The following KIR2DL1 variants were observed in gnomAD, a reference collection of about 807,000 sequenced individuals.
The protein encoded by KIR2DL1 is killer cell immunoglobulin like receptor, two Ig domains and long cytoplasmic tail 1, also known as killer cell immunoglobulin-like receptor 2DL1.
A neutral mutation model predicts 33.9 loss-of-function variants in KIR2DL1; 38 were observed. The observed-to-expected ratio is 1.12, with a 90% CI of 0.86 to 1.47. The LOEUF (loss-of-function observed/expected upper bound fraction) is 1.47, where lower values mean the gene tolerates loss of function less well. Ranked by LOEUF, KIR2DL1 falls within the 40% of genes most tolerant of loss-of-function variation. The pLI is 0.00. For missense variants in KIR2DL1, 531 were observed against 433.9 expected (o/e 1.22, Z -1.99); for synonymous variants, 179 against 165.9 (o/e 1.08, Z -0.61).
Position 54,775,064 on chromosome 19 carries a change from G to A in KIR2DL1, c.371-101G>A, listed in dbSNP as rs1190141982. Reference sequence around the variant, plus strand: ...GTAGAGGGTGAGAGAGAGAGAGAGAGAGCATTAGGTCATAGAACAGGGGAG... The same window carrying A: ...GTAGAGGGTGAGAGAGAGAGAGAGAAAGCATTAGGTCATAGAACAGGGGAG... On this transcript the variant is annotated intron_variant, in intron 3 of 7. Coordinates refer to ENST00000336077, the MANE Select transcript of KIR2DL1 (RefSeq NM_014218.3). The A allele has an allele frequency of 2.0e-5, 27 of 1,361,208 alleles. 1 individual carries two copies. The African/African-American group carries it at 4.0e-4, about 20-fold the overall frequency. 84.3% of individuals were successfully genotyped at this position (1,361,208 alleles called of 1,614,324 possible). A position where few individuals can be genotyped will look rare whatever the true frequency, so the allele number is the denominator to read the frequency against.
In KIR2DL1 at chr19:54,775,222, A is replaced by G. The variant is rs369380833; in HGVS notation, c.428A>G (p.Glu143Gly). 17 of 1,601,658 alleles carry G rather than the reference A, an allele frequency of 1.1e-5. No homozygotes were observed. The highest frequency in any genetic ancestry group is 1.7e-5 in the Admixed American group (1 of 59,228). Residue 143 changes from glutamate (E) to glycine (G), a missense_variant, in exon 4 of 8, where the codon GAG (glutamate) becomes GGG (glycine). Physicochemically the swap from Glu to Gly is moderately conservative, Grantham distance 98 (BLOSUM62 -2). Coordinates refer to ENST00000336077, the MANE Select transcript of KIR2DL1 (RefSeq NM_014218.3). Reference protein sequence around the residue: ...AQLGPTVLAGENVTLSCSSRS... With the variant: ...AQLGPTVLAGGNVTLSCSSRS... Reference sequence around the variant, plus strand: ...CTGGGCCCCACGGTTCTGGCAGGAGAGAATGTGACCTTGTCCTGCAGCTCC... The same window carrying G: ...CTGGGCCCCACGGTTCTGGCAGGAGGGAATGTGACCTTGTCCTGCAGCTCC...
intron 2 of KIR2DL1, among the ~76,000 whole-genome samples, chr19:54,772,704 G>A (rs199733063): frequency 8.9e-5 from 11 of 123,784 alleles, no homozygotes; most frequent in Non-Finnish European, 1.0e-4. Context: ...AGACTCTGTC[G>A]CCAAAATTAA....
Position 54,773,261 on chromosome 19 carries a change from T to C in KIR2DL1, c.71-72T>C, listed in dbSNP as rs2075959721. On this transcript the variant is annotated intron_variant, in intron 2 of 7. Coordinates refer to ENST00000336077, the MANE Select transcript of KIR2DL1 (RefSeq NM_014218.3). ...GATAAGACACCAGGAAGGGGAAGCC[T>C]GACTCAATCCAGGTGCCATGGATGG... The C allele has an allele frequency of 3.4e-6, 5 of 1,464,316 alleles. No individual in the cohort carries two copies. In the East Asian group the frequency reaches 1.2e-4, roughly 34 times the overall value. 90.7% of individuals were successfully genotyped at this position (1,464,316 alleles called of 1,614,324 possible).
At position 54,773,464 on chromosome 19, in the gene KIR2DL1, G is replaced by A. The variant is rs745536485; in HGVS notation, c.202G>A (p.Asp68Asn). ...TCTGCACAGAGAGGGGATGTTTAACGACACTTTGCGCCTCATTGGAGAACA... is the reference window on the plus strand; with the variant it reads ...TCTGCACAGAGAGGGGATGTTTAACAACACTTTGCGCCTCATTGGAGAACA... ...FLLHREGMFNDTLRLIGEHHD... is the reference protein window; with the variant it reads ...FLLHREGMFNNTLRLIGEHHD... The change falls in exon 3 of 8, where the codon GAC (aspartate) becomes AAC (asparagine). Residue 68 changes from aspartate (D) to asparagine (N), a missense_variant. Coordinates refer to ENST00000336077, the MANE Select transcript of KIR2DL1 (RefSeq NM_014218.3). 1.3e-5 allele frequency: 21 copies of A among 1,584,220 alleles called. 2 individuals carry two copies. The highest frequency in any genetic ancestry group is 1.7e-5 in the Admixed American group (1 of 58,576).
Position 54,782,915 on chromosome 19 carries a change from C to T in KIR2DL1, c.716-7C>T, listed in dbSNP as rs751531315. ...TAGCTTCTTATTGGTGTCTCATCTT[C>T]TTCCAGGTAACCCCCGACACCTGCA... On this transcript the variant is annotated splice_region_variant and splice_polypyrimidine_tract_variant and intron_variant, in intron 5 of 7. Coordinates refer to ENST00000336077, the MANE Select transcript of KIR2DL1 (RefSeq NM_014218.3). The T allele has an allele frequency of 3.1e-6, 5 of 1,612,688 alleles. No individual in the cohort carries two copies. The South Asian group carries it at 4.4e-5, about 14-fold the overall frequency.
chr19:54,770,917 TC>T, intron 2 of KIR2DL1, 33 bp downstream of exon 2: 3 of 1,575,560 alleles, frequency 1.9e-6, no homozygotes, highest in Non-Finnish European at 2.6e-6. Flanking sequence ...GGGTGTCATC[TC>T]CCCACATAAG....
chr19:54,777,888 T>A (rs1281563275), intron 4 of KIR2DL1, among the ~76,000 whole-genome samples: 1 of 148,072 alleles, frequency 6.8e-6, no homozygotes, highest in Non-Finnish European at 1.5e-5. Context: ...CCTCTGCATG[T>A]AGATGTCCAG....
chr19:54,779,644 T>C (rs1354764314), intron 5 of KIR2DL1, among the ~76,000 whole-genome samples: 3 of 147,692 alleles, frequency 2.0e-5, no homozygotes, highest in Admixed American at 6.9e-5. Flanking sequence ...CAACCATAAT[T>C]CCATCTGCAA....
In KIR2DL1 at chr19:54,778,662, G is replaced by C. The variant is rs553029013; in HGVS notation, c.715G>C (p.Gly239Arg). ...PSPTEPSSKT[G>R]NPRHLHILIG... ...ACCCACTGAACCAAGCTCCAAAACCGGTGAGTACAGAACCCTCTTATATCC... is the reference window on the plus strand; with the variant it reads ...ACCCACTGAACCAAGCTCCAAAACCCGTGAGTACAGAACCCTCTTATATCC... Residue 239 changes from glycine to arginine, a missense_variant and splice_region_variant, in exon 5 of 8, where the codon GGT becomes CGT. Transcript: ENST00000336077. 1.3e-5 allele frequency: 20 copies of C among 1,549,154 alleles called. No homozygotes were observed. In the African/African-American group the frequency reaches 2.2e-4, roughly 17 times the overall value.
intron 4 of KIR2DL1, among the ~76,000 whole-genome samples, chr19:54,777,000 C>A (rs1218260677): frequency 6.6e-6 from 1 of 151,392 alleles, no homozygotes; most frequent in South Asian, 2.1e-4. Context: ...TACTAATTTA[C>A]ACTCCTCCCA....
rs546525522 is a variant in KIR2DL1 at position 54,769,856 on chromosome 19, G to A, written c.6G>A (p.Ser2=). The part of the protein sequence containing the change: M[S]LLVVSMACVG... ...CTGTCTGCTCCGGCAGCACCATGTCGCTCTTGGTCGTCAGCATGGCGTGTG... is the reference window on the plus strand; with the variant it reads ...CTGTCTGCTCCGGCAGCACCATGTCACTCTTGGTCGTCAGCATGGCGTGTG... Residue 2 remains serine, a synonymous_variant, in exon 1 of 8, where the codon TCG becomes TCA. Coordinates refer to ENST00000336077, the MANE Select transcript of KIR2DL1 (RefSeq NM_014218.3). 3.1e-5 allele frequency: 48 copies of A among 1,569,892 alleles called. 3 individuals carry two copies. The highest frequency in any genetic ancestry group is 2.5e-4 in the South Asian group (22 of 89,312).
At chr19:54,774,792 A>T (rs1158910986) in intron 3 of KIR2DL1, among the ~76,000 whole-genome samples, 1 of 148,528 alleles carries the variant, frequency 6.7e-6, no homozygotes, top group Non-Finnish European at 1.5e-5. Context: ...ATTTGTAGAT[A>T]GGCACCGAAT....
At chr19:54,772,404 C>T (rs1379460140) in intron 2 of KIR2DL1, among the ~76,000 whole-genome samples, 1 of 107,592 alleles carries the variant, frequency 9.3e-6, no homozygotes, top group Non-Finnish European at 2.0e-5. Flanking sequence ...CTTGATTTTA[C>T]CCACGACAAA....
chr19:54,780,146 C>T (rs550511258), intron 5 of KIR2DL1: 9,057 of 521,412 alleles, frequency 0.017, 594 homozygotes, highest in Non-Finnish European at 0.02. Context: ...TCAAGTGATC[C>T]GACCGTCTCA....
chr19:54,777,108 G>C (rs1220878213), intron 4 of KIR2DL1, among the ~76,000 whole-genome samples: 1 of 150,874 alleles, frequency 6.6e-6, no homozygotes, highest in Non-Finnish European at 1.5e-5. Flanking sequence ...ATTTTATTTT[G>C]AGATGGAGTT....
At chr19:54,783,134 C>T in intron 6 of KIR2DL1, 111 bp downstream of exon 6, 1 of 1,228,802 alleles carries the variant, frequency 8.1e-7, no homozygotes. Context: ...CCCAAGGCAG[C>T]AGCCACAGAG....
At chr19:54,770,078 G>A (rs1431591718) in intron 1 of KIR2DL1, among the ~76,000 whole-genome samples, 194 bp downstream of exon 1, 4 of 143,574 alleles carry the variant, frequency 2.8e-5, no homozygotes, top group African/African-American at 7.7e-5. Context: ...TATAGGCCTG[G>A]AGGTGGAGTG....
intron 2 of KIR2DL1, among the ~76,000 whole-genome samples, chr19:54,771,713 AG>A (rs2075748386): frequency 6.7e-6 from 1 of 148,192 alleles, no homozygotes; most frequent in African/African-American, 2.5e-5. Context: ...TAACAACTTC[AG>A]TCTGTAAAAG....
intron 2 of KIR2DL1, among the ~76,000 whole-genome samples, chr19:54,772,702 T>G (rs1301435691): frequency 7.0e-6 from 1 of 143,222 alleles, no homozygotes; most frequent in Non-Finnish European, 1.5e-5. Flanking sequence ...TGAGACTCTG[T>G]CGCCAAAATT....
Sources: gnomAD v4.1 joint callset for allele counts (sites outside exome capture counted in the v4.1 genomes callset) on GRCh38, gnomAD v4.1.1 for gene constraint, MANE v1.5 for transcripts, NCBI Gene and HGNC (gene_info 2026-07-23, HGNC 2026-07-21) for gene names.